Variants in WWOX observed in about 807,000 individuals in gnomAD.
WWOX encodes WW domain containing oxidoreductase, also known as WW domain-containing oxidoreductase.
In WWOX, 69 loss-of-function variants were observed where a neutral mutation model predicts 46.2. The observed-to-expected ratio is 1.49, with a 90% confidence interval of 1.23 to 1.82. WWOX has a LOEUF of 1.82. Among genes scored for constraint, WWOX ranks in the 40% most tolerant of loss-of-function variants. The probability of loss-of-function intolerance (pLI) is 0.00; values close to 1 mark genes in which losing one functional copy is unlikely to be tolerated. For synonymous variants in WWOX, 359 were observed against 202.6 expected, an observed-to-expected ratio of 1.77 and a Z score of -6.56; for missense variants, 919 against 542.6, an observed-to-expected ratio of 1.69 and a Z score of -6.89.
chr16:78,148,429 T>A (rs1464835799), intron 4 of WWOX, among the ~76,000 whole-genome samples: 1 of 152,128 alleles, frequency 6.6e-6, no homozygotes, highest in African/African-American at 2.4e-5. Context: ...TTTCTTGTAT[T>A]AAGAAGAAAG....
At position 78,607,739 on chromosome 16, in the gene WWOX, G is replaced by C. The variant is rs140092213; in HGVS notation, c.1056+174987G>C. Among the ~76,000 whole-genome samples the C allele has an allele frequency of 2.2e-3, 338 of 151,578 alleles. 1 individual carries two copies. The highest frequency in any genetic ancestry group is 7.8e-3 in the African/African-American group (324 of 41,376). On this transcript the variant is annotated intron_variant, in intron 8 of 8. Transcript: ENST00000566780. Reference sequence around the variant, plus strand: ...GTGTGTGTGTGTTTGTTTTGGTCAAGGGCAGAGTGTGCTGTGTCAGGGTGT... The same window carrying C: ...GTGTGTGTGTGTTTGTTTTGGTCAACGGCAGAGTGTGCTGTGTCAGGGTGT...
Position 78,099,663 on chromosome 16 carries a change from A to C in WWOX, c.-116A>C, listed in dbSNP as rs2031608089. 1 of 1,315,320 alleles carries C rather than the reference A, an allele frequency of 7.6e-7. No individual in the cohort carries two copies. The highest frequency in any genetic ancestry group is 2.8e-5 in the East Asian group (1 of 35,688). The allele number at this position is 1,315,320 out of a possible 1,614,324, so 81.5% of individuals were successfully genotyped here. On this transcript the variant is annotated 5_prime_UTR_variant, in exon 1 of 9. Coordinates refer to ENST00000566780, the MANE Select transcript of WWOX (RefSeq NM_016373.4). ...GCGGCCCCTGGAGGGCGCAGTGCGC[A>C]GGCGTGAGCGGTCGGGCCCCGACGC...
At chr16:78,282,708 G>A (rs1475077071) in intron 5 of WWOX, among the ~76,000 whole-genome samples, 1 of 151,960 alleles carries the variant, frequency 6.6e-6, no homozygotes, top group Admixed American at 6.6e-5. Context: ...GAGACCCCAT[G>A]TCTACTAAAA....
intron 8 of WWOX, among the ~76,000 whole-genome samples, chr16:78,847,898 G>T (rs931780306): frequency 1.3e-5 from 2 of 152,190 alleles, no homozygotes; most frequent in Admixed American, 6.5e-5. Context: ...CAGATACTGG[G>T]ACTTTCTGTT....
At position 78,362,464 on chromosome 16, in the gene WWOX, A is replaced by G. The variant is rs62033459; in HGVS notation, c.517-24396A>G. ...ATCCCTATTAAAAATACAAAAATTA[A>G]CAGGCGTGGTGGCAGGCATCTGTTG... On this transcript the variant is annotated intron_variant, in intron 5 of 8. Transcript: ENST00000566780. Among the ~76,000 whole-genome samples, 1,437 of 152,040 alleles carry G rather than the reference A, an allele frequency of 9.5e-3. 12 individuals are homozygous for G. Among genetic ancestry groups the G allele is most frequent in the Non-Finnish European group, 0.016 (1,116 of 67,946 alleles).
In WWOX at chr16:78,172,198, A is replaced by G. The variant is rs1567611358; in HGVS notation, c.516+7909A>G. On this transcript the variant is annotated intron_variant, in intron 5 of 8. Transcript: ENST00000566780. ...GTATGAATACTTCTGGGTTCCTAAT[A>G]TGAGGGTACCTAAAAAGTACATCCG... Among the ~76,000 whole-genome samples the G allele has an allele frequency of 3.9e-5, 6 of 152,180 alleles. No homozygotes were observed. In the South Asian group the frequency reaches 1.2e-3, roughly 32 times the overall value.
chr16:78,213,977 C>T (rs113666039), intron 5 of WWOX, among the ~76,000 whole-genome samples: 19 of 152,240 alleles, frequency 1.2e-4, no homozygotes, highest in African/African-American at 4.3e-4. Context: ...TGCCTCTGCT[C>T]TTCTAAGCAC....
chr16:78,883,216 C>A (rs1377282923), intron 8 of WWOX, among the ~76,000 whole-genome samples: 1 of 152,054 alleles, frequency 6.6e-6, no homozygotes, highest in Non-Finnish European at 1.5e-5. Context: ...ATTAAAGTAG[C>A]CTCCCCTCTT....
chr16:78,387,988 C>G (rs1479504837), intron 6 of WWOX, among the ~76,000 whole-genome samples: 1 of 152,012 alleles, frequency 6.6e-6, no homozygotes, highest in Non-Finnish European at 1.5e-5. Context: ...GGGAAGGGAT[C>G]TTAAACCAGA....
At chr16:78,984,502 C>G (rs2046746466) in intron 8 of WWOX, among the ~76,000 whole-genome samples, 1 of 152,186 alleles carries the variant, frequency 6.6e-6, no homozygotes, top group African/African-American at 2.4e-5. Context: ...GCCAATAAAA[C>G]TTTATTTACA....
intron 8 of WWOX, among the ~76,000 whole-genome samples, chr16:79,201,728 T>TG (rs1253026667): frequency 2.9e-5 from 3 of 104,138 alleles, no homozygotes; most frequent in Admixed American, 8.3e-5. Context: ...ACTTTTTTCC[T>TG]GTTTTTTTTC....
intron 8 of WWOX, among the ~76,000 whole-genome samples, chr16:78,528,763 T>A (rs141431962): frequency 3.3e-5 from 5 of 152,116 alleles, no homozygotes; most frequent in Admixed American, 6.6e-5. Flanking sequence ...TTGAGGAAAA[T>A]GAAAAGGCCT....
At chr16:79,170,173 A>G (rs1347126047) in intron 8 of WWOX, among the ~76,000 whole-genome samples, 1 of 152,214 alleles carries the variant, frequency 6.6e-6, no homozygotes, top group Non-Finnish European at 1.5e-5. Flanking sequence ...ATGTTTTTCC[A>G]GTGGAAATGA....
At chr16:78,726,025 G>C (rs1433369215) in intron 8 of WWOX, among the ~76,000 whole-genome samples, 3 of 131,002 alleles carry the variant, frequency 2.3e-5, no homozygotes, top group African/African-American at 8.6e-5. Flanking sequence ...TCTCCTTCTA[G>C]TTCTCCTCCT....
intron 8 of WWOX, among the ~76,000 whole-genome samples, chr16:78,808,629 T>G (rs554647867): frequency 4.8e-4 from 73 of 152,280 alleles, no homozygotes; most frequent in African/African-American, 1.7e-3. Flanking sequence ...TAAAATAAAC[T>G]CCAACAGAAA....
chr16:78,889,551 G>A (rs568228378), intron 8 of WWOX, among the ~76,000 whole-genome samples: 1 of 152,090 alleles, frequency 6.6e-6, no homozygotes, highest in African/African-American at 2.4e-5. Context: ...GTATTGGCCT[G>A]TGTCCACTGG....
chr16:78,136,002 C>G (rs559309062), intron 4 of WWOX, among the ~76,000 whole-genome samples: 1 of 152,246 alleles, frequency 6.6e-6, no homozygotes, highest in Non-Finnish European at 1.5e-5. Context: ...CCAAGAGGTG[C>G]TTTTATGAGG....
chr16:78,860,116 G>A (rs987834170), intron 8 of WWOX, among the ~76,000 whole-genome samples: 6 of 152,148 alleles, frequency 3.9e-5, no homozygotes, highest in African/African-American at 1.4e-4. Context: ...CTGGAATTGT[G>A]GAATATGAAG....
intron 8 of WWOX, among the ~76,000 whole-genome samples, chr16:78,690,286 C>T (rs978902205): frequency 1.3e-5 from 2 of 152,268 alleles, no homozygotes; most frequent in African/African-American, 2.4e-5. Context: ...CGTGGTGGCT[C>T]ATGCCTGTAA....
Sources: allele counts gnomAD v4.1 joint callset (sites outside exome capture counted in the v4.1 genomes callset), GRCh38; gene constraint gnomAD v4.1.1; transcripts MANE v1.5; gene names NCBI Gene and HGNC (gene_info 2026-07-23, HGNC 2026-07-21).